LRP1B: variants seen among roughly 807,000 people sequenced by gnomAD.
The protein encoded by LRP1B is LDL receptor related protein 1B.
In LRP1B, 217 loss-of-function variants were observed where a neutral mutation model predicts 556.6. The observed-to-expected ratio is 0.39, with a 90% CI of 0.35 to 0.44. LRP1B has a LOEUF of 0.44. Ranked by LOEUF, LRP1B falls within the 20% of genes least tolerant of loss-of-function variation. The pLI is 1.00. For missense variants in LRP1B, 5,053 were observed against 5,620.8 expected (o/e 0.90, Z 3.23); for synonymous variants, 2,047 against 1,865.8 (o/e 1.10, Z -2.50).
At chr2:141,991,442 C>A (rs987387207) in intron 1 of LRP1B, among the ~76,000 whole-genome samples, 44 of 151,862 alleles carry the variant, frequency 2.9e-4, no homozygotes, top group Non-Finnish European at 7.4e-5. Flanking sequence ...TTAAAATTTC[C>A]TTAACGGAGG....
intron 66 of LRP1B, among the ~76,000 whole-genome samples, chr2:140,416,491 C>A (rs1377227236): frequency 1.3e-5 from 2 of 151,570 alleles, no homozygotes; most frequent in Non-Finnish European, 2.9e-5. Context: ...CATGTCTCTA[C>A]AAAAAAATAC....
intron 29 of LRP1B, among the ~76,000 whole-genome samples, chr2:140,844,186 C>T (rs1275533585): frequency 7.9e-5 from 12 of 152,068 alleles, no homozygotes; most frequent in South Asian, 4.2e-4. Flanking sequence ...CTCAGCCTCC[C>T]GAGTAGCTGG....
In LRP1B at chr2:141,649,227, G is replaced by A. The variant is rs577023007; in HGVS notation, c.205+161052C>T. On this transcript the variant is annotated intron_variant, in intron 2 of 90. Coordinates refer to ENST00000389484, the MANE Select transcript of LRP1B (RefSeq NM_018557.3). ...GACACATGGGAGCCTGGTAAGATAA[G>A]GACAGGCTGTGAGGGAGGTTGAGAG... is the stretch of plus-strand genomic sequence containing the variant. Among the ~76,000 whole-genome samples, 167 of 152,160 alleles carry A rather than the reference G, an allele frequency of 1.1e-3. 1 individual carries two copies. Among genetic ancestry groups the A allele is most frequent in the Non-Finnish European group, 2.0e-3 (136 of 68,036 alleles).
At chr2:141,021,782 A>G (rs1698070648) in intron 11 of LRP1B, among the ~76,000 whole-genome samples, 1 of 151,954 alleles carries the variant, frequency 6.6e-6, no homozygotes, top group African/African-American at 2.4e-5. Flanking sequence ...ACACTTGGGT[A>G]AGCAAATTCA....
At chr2:141,201,733 G>T (rs1479804261) in intron 6 of LRP1B, among the ~76,000 whole-genome samples, 1 of 152,028 alleles carries the variant, frequency 6.6e-6, no homozygotes, top group African/African-American at 2.4e-5. Flanking sequence ...AATAGAAATG[G>T]TGCATGTTTC....
At chr2:140,426,049 AAC>A (rs1484584738) in intron 66 of LRP1B, among the ~76,000 whole-genome samples, 2 of 152,336 alleles carry the variant, frequency 1.3e-5, no homozygotes, top group Non-Finnish European at 2.9e-5. Flanking sequence ...TATTAAAGAA[AAC>A]AGATAATACA....
intron 2 of LRP1B, among the ~76,000 whole-genome samples, chr2:141,793,701 TA>T (rs1695701672): frequency 6.6e-6 from 1 of 151,976 alleles, no homozygotes; most frequent in African/African-American, 2.4e-5. Context: ...CTATTGATAT[TA>T]AAAATATTTC....
chr2:141,851,626 G>T lies in LRP1B; in HGVS notation c.83-41225C>A, dbSNP rs1274990142. On this transcript the variant is annotated intron_variant, in intron 1 of 90. Transcript: ENST00000389484. Reference sequence around the variant, plus strand: ...ATAAAGTAATGAAAACATCAGATGGGCATTGAGTACCTTACCTATATATCT... The same window carrying T: ...ATAAAGTAATGAAAACATCAGATGGTCATTGAGTACCTTACCTATATATCT... 4.6e-5 allele frequency among the ~76,000 whole-genome samples: 7 copies of T among 151,818 alleles called. No individual in the cohort carries two copies. The South Asian group carries it at 1.5e-3, about 31-fold the overall frequency.
rs369278283 is a variant in LRP1B at position 141,022,638 on chromosome 2, C to G, written c.1790-2536G>C. ...TGCCTGAGACTGACTAATAATGACTCTATGAACAAAAGCCCTTTAAACAGA... is the reference window on the plus strand; with the variant it reads ...TGCCTGAGACTGACTAATAATGACTGTATGAACAAAAGCCCTTTAAACAGA... On this transcript the variant is annotated intron_variant, in intron 11 of 90. Coordinates refer to ENST00000389484, the MANE Select transcript of LRP1B (RefSeq NM_018557.3). Among the ~76,000 whole-genome samples the G allele has an allele frequency of 3.2e-4, 49 of 152,008 alleles. 1 individual carries two copies. The highest frequency in any genetic ancestry group is 1.2e-3 in the African/African-American group (48 of 41,528).
intron 2 of LRP1B, among the ~76,000 whole-genome samples, chr2:141,593,246 A>G (rs562060324): frequency 4.5e-4 from 69 of 152,306 alleles, no homozygotes; most frequent in African/African-American, 1.6e-3. Flanking sequence ...TGGACCCATG[A>G]AAGATAAACA....
intron 1 of LRP1B, among the ~76,000 whole-genome samples, chr2:141,833,407 T>C (rs1697170890): frequency 6.6e-6 from 1 of 151,818 alleles, no homozygotes; most frequent in South Asian, 2.1e-4. Context: ...CACAGGAATA[T>C]TAGGACTTGA....
chr2:141,373,236 A>G (rs1573871044), intron 3 of LRP1B, among the ~76,000 whole-genome samples: 1 of 152,006 alleles, frequency 6.6e-6, no homozygotes, highest in African/African-American at 2.4e-5. Flanking sequence ...CAATTTTTAC[A>G]AATTTTTAAA....
At chr2:141,450,159 G>A (rs1573958667) in intron 3 of LRP1B, among the ~76,000 whole-genome samples, 1 of 152,138 alleles carries the variant, frequency 6.6e-6, no homozygotes, top group Non-Finnish European at 1.5e-5. Flanking sequence ...GAGATAGGGA[G>A]ATAGAAAGAT....
At chr2:141,725,196 C>T (rs1692982156) in intron 2 of LRP1B, among the ~76,000 whole-genome samples, 1 of 151,806 alleles carries the variant, frequency 6.6e-6, no homozygotes, top group African/African-American at 2.4e-5. Context: ...GACTGCTCAT[C>T]AAAACAAAAA....
intron 7 of LRP1B, among the ~76,000 whole-genome samples, chr2:141,136,262 A>T (rs1055878036): frequency 6.6e-6 from 1 of 151,916 alleles, no homozygotes; most frequent in Admixed American, 6.6e-5. Context: ...ATAGAACAAA[A>T]TAGATCATAG....
chr2:140,519,800 A>T (rs960683489), intron 49 of LRP1B, among the ~76,000 whole-genome samples: 2 of 152,208 alleles, frequency 1.3e-5, no homozygotes, highest in East Asian at 3.9e-4. Context: ...AAGTGGACAA[A>T]GGATATAAAC....
intron 2 of LRP1B, among the ~76,000 whole-genome samples, chr2:141,801,300 T>C (rs184447353): frequency 6.6e-6 from 1 of 152,284 alleles, no homozygotes; most frequent in African/African-American, 2.4e-5. Flanking sequence ...TGTTTCTATA[T>C]ATTTTAGAGA....
chr2:140,275,660 TA>T (rs1682640770), intron 84 of LRP1B, among the ~76,000 whole-genome samples: 1 of 151,972 alleles, frequency 6.6e-6, no homozygotes, highest in African/African-American at 2.4e-5. Context: ...ACTGGGAGAC[TA>T]ACTGATCCAT....
chr2:141,980,988 T>C (rs1702028763), intron 1 of LRP1B, among the ~76,000 whole-genome samples: 1 of 152,118 alleles, frequency 6.6e-6, no homozygotes, highest in Admixed American at 6.6e-5. Flanking sequence ...AAATATTCGG[T>C]GATTATATCT....
Sources: allele counts gnomAD v4.1 joint callset (sites outside exome capture counted in the v4.1 genomes callset), GRCh38; gene constraint gnomAD v4.1.1; transcripts MANE v1.5; gene names NCBI Gene and HGNC (gene_info 2026-07-23, HGNC 2026-07-21).